Variants in MICU3 observed in about 807,000 individuals in gnomAD.
MICU3 encodes calcium uptake protein 3, mitochondrial.
A neutral mutation model predicts 66.5 loss-of-function variants in MICU3; 62 were observed. That is an observed-to-expected ratio of 0.93 (90% confidence interval 0.76 to 1.15). The LOEUF (loss-of-function observed/expected upper bound fraction) is 1.15, where lower values mean the gene tolerates loss of function less well. MICU3 is among the 50% of genes most tolerant of loss of function. MICU3 has a pLI of 0.00. For synonymous variants in MICU3, 308 were observed against 240.7 expected (o/e 1.28, Z -2.59); for missense variants, 779 against 664.4 (o/e 1.17, Z -1.90).
chr8:17,032,063 C>T (rs1261771856), intron 1 of MICU3, among the ~76,000 whole-genome samples: 4 of 152,198 alleles, frequency 2.6e-5, no homozygotes, highest in Non-Finnish European at 1.5e-5. Flanking sequence ...TAAATAAGCT[C>T]ATGCTAAATA....
At chr8:17,091,323 CAT>C (rs1800029416) in intron 8 of MICU3, among the ~76,000 whole-genome samples, 1 of 152,028 alleles carries the variant, frequency 6.6e-6, no homozygotes, top group Non-Finnish European at 1.5e-5. Flanking sequence ...TGAATGTAAA[CAT>C]GTGCAGTTCA....
downstream of MICU3, among the ~76,000 whole-genome samples, chr8:17,123,581 C>T (rs183053096): frequency 1.4e-4 from 21 of 152,074 alleles, no homozygotes; most frequent in African/African-American, 4.8e-4. Context: ...ATTCAGAACT[C>T]TCGAATGTTG....
intron 1 of MICU3, among the ~76,000 whole-genome samples, chr8:17,037,911 G>C (rs954656443): frequency 1.3e-5 from 2 of 152,184 alleles, no homozygotes; most frequent in African/African-American, 4.8e-5. Context: ...TGTCCTGTTG[G>C]ATTTTGGACT....
At chr8:17,085,407 A>G in intron 6 of MICU3, 89 bp downstream of exon 6, 1 of 736,952 alleles carries the variant, frequency 1.4e-6, no homozygotes, top group Non-Finnish European at 2.2e-6. Flanking sequence ...GTACTACTGT[A>G]GAGAAAAGAG....
the MICU3 span, among the ~76,000 whole-genome samples, chr8:17,129,472 G>A: frequency 6.6e-6 from 1 of 152,046 alleles, no homozygotes; most frequent in Non-Finnish European, 1.5e-5. Context: ...AAAACCAAAT[G>A]AAAATTTTAG....
chr8:17,137,222 G>A, the MICU3 span, among the ~76,000 whole-genome samples: 3 of 152,018 alleles, frequency 2.0e-5, no homozygotes, highest in African/African-American at 7.2e-5. Context: ...ATCTAAGTTT[G>A]GCTTATCAGT....
At chr8:17,072,271 G>A (rs1403868524) in intron 3 of MICU3, among the ~76,000 whole-genome samples, 1 of 152,088 alleles carries the variant, frequency 6.6e-6, no homozygotes, top group Non-Finnish European at 1.5e-5. Context: ...AGGTAGATCT[G>A]TAAATCAGTG....
chr8:17,129,425 A>G, the MICU3 span, among the ~76,000 whole-genome samples: 2 of 152,260 alleles, frequency 1.3e-5, no homozygotes, highest in African/African-American at 4.8e-5. Context: ...TAATAGGTAA[A>G]GAGATGGTAA....
Position 17,090,596 on chromosome 8 carries a change from A to G in MICU3, c.888+12A>G. On this transcript the variant is annotated intron_variant, in intron 8 of 14. Coordinates refer to ENST00000318063, the MANE Select transcript of MICU3 (RefSeq NM_181723.3). ...CTCCTACTAATAGTGTATGTACAATACTTTAAATGTTCTTTATGTATATAG... is the reference window on the plus strand; with the variant it reads ...CTCCTACTAATAGTGTATGTACAATGCTTTAAATGTTCTTTATGTATATAG... The G allele has an allele frequency of 1.3e-6, 2 of 1,594,312 alleles. No homozygotes were observed. The highest frequency in any genetic ancestry group is 1.7e-6 in the Non-Finnish European group (2 of 1,166,900).
chr8:17,035,650 CAA>C (rs1210858102), intron 1 of MICU3, among the ~76,000 whole-genome samples: 2 of 152,132 alleles, frequency 1.3e-5, no homozygotes, highest in African/African-American at 4.8e-5. Context: ...CTTTAAGCAG[CAA>C]AGTGTTCAAG....
intron 1 of MICU3, among the ~76,000 whole-genome samples, chr8:17,036,986 G>A (rs376211997): frequency 6.6e-6 from 1 of 152,242 alleles, no homozygotes; most frequent in Non-Finnish European, 1.5e-5. Context: ...AAGGCTCGGC[G>A]AGAAATCGAG....
At chr8:17,069,812 G>T in intron 3 of MICU3, 93 bp downstream of exon 3, 1 of 411,816 alleles carries the variant, frequency 2.4e-6, no homozygotes, top group Non-Finnish European at 3.9e-6. Context: ...AATATATTAT[G>T]TATTTTTATA....
chr8:17,074,634 T>TGTGTGTG (rs1563334864), intron 3 of MICU3, among the ~76,000 whole-genome samples: 4 of 146,406 alleles, frequency 2.7e-5, no homozygotes, highest in Non-Finnish European at 6.0e-5. Flanking sequence ...TGTGTGTGTG[T>TGTGTGTG]TTAACTTGCC....
At chr8:17,098,255 T>C (rs1800927731) in intron 8 of MICU3, among the ~76,000 whole-genome samples, 2 of 151,822 alleles carry the variant, frequency 1.3e-5, no homozygotes, top group African/African-American at 4.8e-5. Context: ...ATAGTGGTTA[T>C]ATACCATTAC....
chr8:17,118,782 T>C lies in MICU3; in HGVS notation c.*7T>C, dbSNP rs1802940093. ...AGAACTTCACAGCAGATAAGTATGT[T>C]AGCTTCTATTTGTCTAAATTTGTTC... On this transcript the variant is annotated splice_region_variant and intron_variant, in intron 14 of 14. Coordinates refer to ENST00000318063, the MANE Select transcript of MICU3 (RefSeq NM_181723.3). The C allele has an allele frequency of 6.3e-7, 1 of 1,589,082 alleles. No homozygotes were observed. Among genetic ancestry groups the C allele is most frequent in the Non-Finnish European group, 8.6e-7 (1 of 1,158,338 alleles).
chr8:17,085,341 T>C, intron 6 of MICU3, 23 bp downstream of exon 6: 1 of 1,371,966 alleles, frequency 7.3e-7, no homozygotes, highest in Non-Finnish European at 1.0e-6. Context: ...GATGCTGCAC[T>C]TTATCAATAA....
At chr8:17,084,941 A>G (rs1200761677) in intron 5 of MICU3, among the ~76,000 whole-genome samples, 2 of 152,074 alleles carry the variant, frequency 1.3e-5, no homozygotes, top group African/African-American at 2.4e-5. Context: ...TGACGAGTTG[A>G]TATTTTCCTT....
In MICU3 at chr8:17,063,395, A is replaced by G. The variant is rs1378756780; in HGVS notation, c.382-689A>G. 3.9e-5 allele frequency among the ~76,000 whole-genome samples: 6 copies of G among 152,252 alleles called. No homozygotes were observed. The East Asian group carries it at 1.2e-3, about 29-fold the overall frequency. ...CAATTCTGTCTTCTAAATTACATGT[A>G]AGAGCTTTGCATTTCTCTTGTAATC... On this transcript the variant is annotated intron_variant, in intron 1 of 14. Coordinates refer to ENST00000318063, the MANE Select transcript of MICU3 (RefSeq NM_181723.3).
chr8:17,104,097 A>G (rs1010254139), intron 9 of MICU3, among the ~76,000 whole-genome samples: 1 of 152,054 alleles, frequency 6.6e-6, no homozygotes, highest in Admixed American at 6.5e-5. Flanking sequence ...ATTTTAGATA[A>G]TTTAAAAGAT....
Sources: gnomAD v4.1 joint callset for allele counts (sites outside exome capture counted in the v4.1 genomes callset) on GRCh38, gnomAD v4.1.1 for gene constraint, MANE v1.5 for transcripts, NCBI Gene and HGNC (gene_info 2026-07-23, HGNC 2026-07-21) for gene names.